Variants in RIT2 observed in about 807,000 individuals in gnomAD.
RIT2 encodes the protein Ras like without CAAX 2.
Under a neutral mutation model 23.7 loss-of-function variants are expected in RIT2, and 24 were observed. That is an observed-to-expected ratio of 1.01 (90% CI 0.73 to 1.43). RIT2 has a LOEUF of 1.43. Ranked by LOEUF, RIT2 falls within the 40% of genes most tolerant of loss-of-function variation. RIT2 has a pLI of 0.00. For missense variants in RIT2, 236 were observed against 266.9 expected, an observed-to-expected ratio of 0.88 and a Z score of 0.81; for synonymous variants, 107 against 91.1, an observed-to-expected ratio of 1.17 and a Z score of -0.99.
At chr18:43,018,499 CAG>C in intron 2 of RIT2, among the ~76,000 whole-genome samples, 1 of 151,738 alleles carries the variant, frequency 6.6e-6, no homozygotes, top group Admixed American at 6.6e-5. Flanking sequence ...CAAATCAAAA[CAG>C]AGAGAATTCA....
At position 42,846,239 on chromosome 18, in the gene RIT2, T is replaced by C. The variant is rs147811178; in HGVS notation, c.426+77333A>G. Among the ~76,000 whole-genome samples, 38 of 152,080 alleles carry C rather than the reference T, an allele frequency of 2.5e-4. No homozygotes were observed. In the East Asian group the frequency reaches 6.6e-3, roughly 26 times the overall value. ...TGAAAATATCATAAGCAAGTAGGAT[T>C]AATTATAACTCAGCAAAATTTACAT... On this transcript the variant is annotated intron_variant, in intron 4 of 4. Coordinates refer to ENST00000326695, the MANE Select transcript of RIT2 (RefSeq NM_002930.4).
chr18:42,845,978 A>G (rs1906900588), intron 4 of RIT2, among the ~76,000 whole-genome samples: 1 of 152,018 alleles, frequency 6.6e-6, no homozygotes. Flanking sequence ...TATCAATGTT[A>G]AGAAATTAGC....
chr18:42,754,725 C>G (rs1226252395), intron 4 of RIT2, among the ~76,000 whole-genome samples: 1 of 152,172 alleles, frequency 6.6e-6, no homozygotes, highest in African/African-American at 2.4e-5. Flanking sequence ...AATAAGCAAG[C>G]CACACACTTT....
At chr18:43,088,001 A>G (rs1196978396) in intron 1 of RIT2, among the ~76,000 whole-genome samples, 1 of 152,190 alleles carries the variant, frequency 6.6e-6, no homozygotes, top group African/African-American at 2.4e-5. Context: ...GTGTATGGAC[A>G]CAATTACAAA....
intron 1 of RIT2, among the ~76,000 whole-genome samples, chr18:43,061,890 T>C (rs1312552027): frequency 6.6e-6 from 1 of 152,014 alleles, no homozygotes; most frequent in Non-Finnish European, 1.5e-5. Context: ...AACTGAGGAA[T>C]GAAAAAGATG....
chr18:42,800,988 C>T (rs1205154683), intron 4 of RIT2, among the ~76,000 whole-genome samples: 1 of 151,954 alleles, frequency 6.6e-6, no homozygotes, highest in Non-Finnish European at 1.5e-5. Flanking sequence ...CGTAGGTTTC[C>T]GTAGCACCAA....
At chr18:42,881,798 T>C (rs995401970) in intron 4 of RIT2, among the ~76,000 whole-genome samples, 6 of 152,292 alleles carry the variant, frequency 3.9e-5, no homozygotes, top group African/African-American at 1.2e-4. Flanking sequence ...GCCTATTAGA[T>C]CAAGAGTTTT....
At chr18:42,770,150 G>A (rs1913517903) in intron 4 of RIT2, among the ~76,000 whole-genome samples, 1 of 152,094 alleles carries the variant, frequency 6.6e-6, no homozygotes, top group Non-Finnish European at 1.5e-5. Context: ...ATACGGAATT[G>A]TCCTGTGGGA....
chr18:42,943,216 C>A (rs1001442086), intron 3 of RIT2, among the ~76,000 whole-genome samples: 2 of 152,044 alleles, frequency 1.3e-5, no homozygotes, highest in South Asian at 4.1e-4. Context: ...ATCTTCCCTG[C>A]GATTGGCTAT....
chr18:42,929,221 C>T (rs1598718922), intron 3 of RIT2, among the ~76,000 whole-genome samples: 1 of 151,704 alleles, frequency 6.6e-6, no homozygotes, highest in Admixed American at 6.6e-5. Flanking sequence ...TAATTTGACA[C>T]AAATCTCCCC....
chr18:42,958,728 T>C (rs1910031572), intron 3 of RIT2, among the ~76,000 whole-genome samples: 1 of 152,160 alleles, frequency 6.6e-6, no homozygotes. Flanking sequence ...ACATCTGAAA[T>C]GACTCTGGAA....
chr18:42,927,396 GTGTGTGTGTA>G (rs1205306338), intron 3 of RIT2, among the ~76,000 whole-genome samples: 1 of 151,422 alleles, frequency 6.6e-6, no homozygotes, highest in Non-Finnish European at 1.5e-5. Context: ...GTGTGTGTGT[GTGTGTGTGTA>G]TGTTTTACTA....
At chr18:43,004,619 T>C (rs543412913) in intron 2 of RIT2, among the ~76,000 whole-genome samples, 4 of 151,926 alleles carry the variant, frequency 2.6e-5, no homozygotes, top group Admixed American at 6.6e-5. Context: ...GCTTTGCTCC[T>C]ATACTAATCT....
At chr18:42,988,891 A>T (rs1464731653) in intron 2 of RIT2, among the ~76,000 whole-genome samples, 1 of 152,220 alleles carries the variant, frequency 6.6e-6, no homozygotes, top group Non-Finnish European at 1.5e-5. Context: ...AGAAAGGACC[A>T]CGGGTTAGGG....
intron 4 of RIT2, among the ~76,000 whole-genome samples, chr18:42,807,651 G>C (rs1247362778): frequency 6.6e-6 from 1 of 152,018 alleles, no homozygotes; most frequent in Admixed American, 6.6e-5. Flanking sequence ...ACAAAAAATA[G>C]TATTTGAAAC....
chr18:42,875,788 C>G, intron 4 of RIT2, among the ~76,000 whole-genome samples: 1 of 152,032 alleles, frequency 6.6e-6, no homozygotes, highest in East Asian at 1.9e-4. Context: ...TCCTGTCCTT[C>G]TTTCTGGTGA....
chr18:42,809,138 A>T (rs1173755754), intron 4 of RIT2, among the ~76,000 whole-genome samples: 1 of 152,118 alleles, frequency 6.6e-6, no homozygotes, highest in East Asian at 1.9e-4. Context: ...AATTCGAGAA[A>T]TTATTCTGAC....
At chr18:42,788,304 G>T (rs1465823639) in intron 4 of RIT2, among the ~76,000 whole-genome samples, 1 of 152,128 alleles carries the variant, frequency 6.6e-6, no homozygotes, top group Admixed American at 6.5e-5. Flanking sequence ...AGAGGGAAAA[G>T]TATTTTAATA....
At position 42,955,545 on chromosome 18, in the gene RIT2, C is replaced by T. The variant is rs533425034; in HGVS notation, c.234+18529G>A. ...TTCCCCTTCTGACGTTTTATGATTTCATGGCTTTCCATGGGAAATAGCAAG... is the reference window on the plus strand; with the variant it reads ...TTCCCCTTCTGACGTTTTATGATTTTATGGCTTTCCATGGGAAATAGCAAG... On this transcript the variant is annotated intron_variant, in intron 3 of 4. Transcript: ENST00000326695. 2.6e-5 allele frequency among the ~76,000 whole-genome samples: 4 copies of T among 152,284 alleles called. No individual in the cohort carries two copies. The South Asian group carries it at 8.3e-4, about 32-fold the overall frequency.
Sources: allele counts gnomAD v4.1 joint callset (sites outside exome capture counted in the v4.1 genomes callset), GRCh38; gene constraint gnomAD v4.1.1; transcripts MANE v1.5; gene names NCBI Gene and HGNC (gene_info 2026-07-23, HGNC 2026-07-21).